Variants in CDKAL1 observed in about 807,000 individuals in gnomAD.
The protein encoded by CDKAL1 is CDKAL1 threonylcarbamoyladenosine tRNA methylthiotransferase.
In CDKAL1, 32 loss-of-function variants were observed where a neutral mutation model predicts 68.2. The ratio of observed to expected loss-of-function variants is 0.47; its 90% CI spans 0.35 to 0.63. The LOEUF (loss-of-function observed/expected upper bound fraction) is 0.63, where lower values mean the gene tolerates loss of function less well. CDKAL1 is among the 30% of genes least tolerant of loss of function. CDKAL1 has a pLI of 0.00. For synonymous variants in CDKAL1, 234 were observed against 244.3 expected (o/e 0.96, Z 0.39); for missense variants, 606 against 696.7 (o/e 0.87, Z 1.47).
intron 13 of CDKAL1, among the ~76,000 whole-genome samples, chr6:21,171,912 T>G (rs369746343): frequency 4.5e-4 from 68 of 152,314 alleles, no homozygotes; most frequent in African/African-American, 1.5e-3. Context: ...TTGCTTATAT[T>G]TCATCCAGAT....
intron 9 of CDKAL1, among the ~76,000 whole-genome samples, chr6:20,886,867 A>T (rs1761093191): frequency 6.6e-6 from 1 of 152,234 alleles, no homozygotes. Flanking sequence ...ATGTAAAACA[A>T]AATTAAAGAG....
intron 13 of CDKAL1, among the ~76,000 whole-genome samples, chr6:21,160,025 A>C (rs183585095): frequency 6.6e-6 from 1 of 152,296 alleles, no homozygotes; most frequent in Non-Finnish European, 1.5e-5. Context: ...TGTGACACCA[A>C]ATGTATAGGA....
At chr6:20,614,605 G>A (rs1298893759) in intron 4 of CDKAL1, among the ~76,000 whole-genome samples, 1 of 152,104 alleles carries the variant, frequency 6.6e-6, no homozygotes, top group East Asian at 1.9e-4. Flanking sequence ...GAATAGCTCA[G>A]CAAGACCCCC....
chr6:21,139,050 T>C (rs1026502572), intron 13 of CDKAL1, among the ~76,000 whole-genome samples: 1 of 151,870 alleles, frequency 6.6e-6, no homozygotes, highest in African/African-American at 2.4e-5. Context: ...AATAGGAGAG[T>C]CTCCCTGGCT....
rs375630599 is a variant in CDKAL1, at chr6:21,231,079, T to A, written c.*40T>A. On this transcript the variant is annotated 3_prime_UTR_variant, in exon 16 of 16. Transcript: ENST00000274695. ...AAACATCTATAAAGAAGAATACATTTCTAATTAAAATCTTCAATGAACAGG... is the reference window on the plus strand; with the variant it reads ...AAACATCTATAAAGAAGAATACATTACTAATTAAAATCTTCAATGAACAGG... 2 of 1,464,700 alleles carry A rather than the reference T, an allele frequency of 1.4e-6. No individual in the cohort carries two copies. Among genetic ancestry groups the A allele is most frequent in the African/African-American group, 1.4e-5 (1 of 71,106 alleles). 90.7% of individuals were successfully genotyped at this position (1,464,700 alleles called of 1,614,324 possible).
At chr6:20,940,828 C>T (rs531787692) in intron 9 of CDKAL1, among the ~76,000 whole-genome samples, 2 of 152,328 alleles carry the variant, frequency 1.3e-5, no homozygotes, top group South Asian at 2.1e-4. Flanking sequence ...CTGTGGCTCA[C>T]GCCTGTAATC....
At chr6:20,823,789 A>G (rs908483675) in intron 8 of CDKAL1, among the ~76,000 whole-genome samples, 1 of 152,202 alleles carries the variant, frequency 6.6e-6, no homozygotes, top group Non-Finnish European at 1.5e-5. Flanking sequence ...TGACATTTTC[A>G]GCGATTGAGA....
chr6:20,745,345 G>A (rs1773620362), intron 6 of CDKAL1, among the ~76,000 whole-genome samples: 1 of 152,186 alleles, frequency 6.6e-6, no homozygotes, highest in Non-Finnish European at 1.5e-5. Context: ...ACAAAGTGGA[G>A]CAGTGTCACA....
intron 4 of CDKAL1, among the ~76,000 whole-genome samples, chr6:20,633,226 CAGTCT>C (rs1030250553): frequency 3.6e-4 from 55 of 152,292 alleles, no homozygotes; most frequent in African/African-American, 1.3e-3. Context: ...AGGCAATCAC[CAGTCT>C]ACTTTCTGTG....
At chr6:21,142,440 A>G (rs1321631912) in intron 13 of CDKAL1, among the ~76,000 whole-genome samples, 1 of 152,210 alleles carries the variant, frequency 6.6e-6, no homozygotes, top group Non-Finnish European at 1.5e-5. Context: ...AACTAAGGCT[A>G]GCACCTACCT....
chr6:20,593,609 A>G (rs921126997), intron 4 of CDKAL1, among the ~76,000 whole-genome samples: 1 of 127,514 alleles, frequency 7.8e-6, no homozygotes, highest in Admixed American at 7.6e-5. Context: ...AATCTTTAAA[A>G]AAAAAAAAAG....
At chr6:21,161,141 C>T (rs888985500) in intron 13 of CDKAL1, among the ~76,000 whole-genome samples, 4 of 152,088 alleles carry the variant, frequency 2.6e-5, no homozygotes, top group Non-Finnish European at 2.9e-5. Context: ...TCATAGTAAT[C>T]ACTTTGCTGT....
At chr6:20,794,557 T>TA (rs1368873782) in intron 8 of CDKAL1, among the ~76,000 whole-genome samples, 2 of 152,176 alleles carry the variant, frequency 1.3e-5, no homozygotes, top group African/African-American at 4.8e-5. Flanking sequence ...AAATACCTAC[T>TA]ACCCACACAC....
chr6:21,200,958 A>G (rs1208601156), intron 14 of CDKAL1, 152 bp from the exon 15 acceptor site: 4 of 585,388 alleles, frequency 6.8e-6, no homozygotes, highest in Non-Finnish European at 1.1e-5. Flanking sequence ...AAAGTGCTAT[A>G]CTAATGTAAG....
At chr6:20,711,762 G>T (rs1393334734) in intron 5 of CDKAL1, among the ~76,000 whole-genome samples, 1 of 152,076 alleles carries the variant, frequency 6.6e-6, no homozygotes, top group Non-Finnish European at 1.5e-5. Flanking sequence ...GTTTGTTTGT[G>T]GTATCTTCGT....
intron 11 of CDKAL1, among the ~76,000 whole-genome samples, chr6:21,019,040 C>T (rs1344812005): frequency 6.6e-6 from 1 of 152,152 alleles, no homozygotes; most frequent in Non-Finnish European, 1.5e-5. Context: ...CCTCCACCTG[C>T]CACGTTCAAG....
rs1032109437 is a variant in CDKAL1, at chr6:20,826,936, T to G, written c.639-19139T>G. On this transcript the variant is annotated intron_variant, in intron 8 of 15. Coordinates refer to ENST00000274695, the MANE Select transcript of CDKAL1 (RefSeq NM_017774.3). ...TTGTGACTTACTTTCTTCATAGTCATGGACATTACCAAAAATCTTAATTTC... is the reference window on the plus strand; with the variant it reads ...TTGTGACTTACTTTCTTCATAGTCAGGGACATTACCAAAAATCTTAATTTC... Among the ~76,000 whole-genome samples the G allele has an allele frequency of 2.6e-5, 4 of 152,204 alleles. No homozygotes were observed. In the South Asian group the frequency reaches 8.3e-4, roughly 31 times the overall value.
chr6:20,889,758 G>A (rs1375649291), intron 9 of CDKAL1, among the ~76,000 whole-genome samples: 1 of 152,142 alleles, frequency 6.6e-6, no homozygotes, highest in Non-Finnish European at 1.5e-5. Context: ...TTTGGTTACT[G>A]TAGCCTTGTA....
intron 13 of CDKAL1, among the ~76,000 whole-genome samples, chr6:21,195,719 C>T (rs1778444706): frequency 6.7e-6 from 1 of 149,842 alleles, no homozygotes; most frequent in African/African-American, 2.5e-5. Context: ...CCATGTTACC[C>T]AGGCGGTCTC....
Sources: gnomAD v4.1 joint callset for allele counts (sites outside exome capture counted in the v4.1 genomes callset) on GRCh38, gnomAD v4.1.1 for gene constraint, MANE v1.5 for transcripts, NCBI Gene and HGNC (gene_info 2026-07-23, HGNC 2026-07-21) for gene names.